Variants in ACACA observed in about 807,000 individuals in gnomAD.
ACACA encodes acetyl-CoA carboxylase 1.
Under a neutral mutation model 296.1 loss-of-function variants are expected in ACACA, and 103 were observed. That is an observed-to-expected ratio of 0.35 (90% CI 0.30 to 0.41). ACACA has a LOEUF of 0.41. ACACA is among the 10% of genes least tolerant of loss of function. ACACA has a pLI of 1.00. For synonymous variants in ACACA, 953 were observed against 1,038.6 expected (o/e 0.92, Z 1.58); for missense variants, 1,554 against 2,989.7 (o/e 0.52, Z 11.20).
intron 52 of ACACA, among the ~76,000 whole-genome samples, chr17:37,103,475 A>T (rs9330249): frequency 0.35 from 52,630 of 152,016 alleles, 13,068 homozygotes; most frequent in African/African-American, 0.69. Flanking sequence ...GGCCTCAGGG[A>T]TTTTAGGAAA....
At chr17:37,252,182 T>C in intron 15 of ACACA, 74 bp from the exon 16 acceptor site, 1 of 1,223,966 alleles carries the variant, frequency 8.2e-7, no homozygotes, top group African/African-American at 1.5e-5. Flanking sequence ...GAAATCAGGC[T>C]CAAATTTGTT....
intron 18 of ACACA, among the ~76,000 whole-genome samples, chr17:37,247,581 G>C (rs1404642162): frequency 6.6e-6 from 1 of 151,966 alleles, no homozygotes; most frequent in Admixed American, 6.6e-5. Context: ...TGGCCACACC[G>C]GTCTTGAACT....
intron 1 of ACACA, among the ~76,000 whole-genome samples, chr17:37,373,574 A>G (rs2049886306): frequency 6.6e-6 from 1 of 152,096 alleles, no homozygotes; most frequent in Non-Finnish European, 1.5e-5. Flanking sequence ...TTTAAGTTAC[A>G]AAAGAAAAGG....
At chr17:37,401,459 C>T (rs2051287784) in intron 1 of ACACA, among the ~76,000 whole-genome samples, 2 of 151,966 alleles carry the variant, frequency 1.3e-5, no homozygotes, top group African/African-American at 4.8e-5. Context: ...TCCCATGCTA[C>T]TTGCATGTCT....
At chr17:37,311,108 G>A (rs879753853) in intron 3 of ACACA, among the ~76,000 whole-genome samples, 2 of 152,142 alleles carry the variant, frequency 1.3e-5, no homozygotes, top group African/African-American at 4.8e-5. Flanking sequence ...TGGTTTTTAC[G>A]AGAGCAGTTT....
At chr17:37,355,766 G>C (rs1248525556) in intron 1 of ACACA, among the ~76,000 whole-genome samples, 10 of 152,130 alleles carry the variant, frequency 6.6e-5, no homozygotes, top group Admixed American at 6.5e-5. Context: ...GCTGAGGCAG[G>C]AGAATCGCTT....
intron 47 of ACACA, among the ~76,000 whole-genome samples, 173 bp downstream of exon 47, chr17:37,129,192 G>A (rs940347592): frequency 2.0e-5 from 3 of 152,088 alleles, no homozygotes; most frequent in Non-Finnish European, 2.9e-5. Context: ...ATTTTTTCAT[G>A]AAGGATTTCC....
Position 37,159,478 on chromosome 17 carries a change from T to G in ACACA, c.5349+2303A>C, listed in dbSNP as rs1210494062. Among the ~76,000 whole-genome samples the G allele has an allele frequency of 2.6e-5, 4 of 152,300 alleles. No homozygotes were observed. The East Asian group carries it at 7.7e-4, about 29-fold the overall frequency. On this transcript the variant is annotated intron_variant, in intron 42 of 55. Transcript: ENST00000616317. ...CTCAAGTGATCTGCCTGCCTCGGCC[T>G]CCCGAAGTGCTGGGTTACTGCAACC...
At chr17:37,218,805 A>C (rs1255109731) in intron 29 of ACACA, among the ~76,000 whole-genome samples, 2 of 152,172 alleles carry the variant, frequency 1.3e-5, no homozygotes. Context: ...AATAACATAC[A>C]AAAAAAGTAC....
At chr17:37,390,261 A>AATAT (rs1491416221) in intron 1 of ACACA, among the ~76,000 whole-genome samples, 2,551 of 57,894 alleles carry the variant, frequency 0.044, 200 homozygotes, top group East Asian at 0.19. Context: ...TATTATATAT[A>AATAT]ATTATATATA....
chr17:37,370,757 C>T (rs1293669998), intron 1 of ACACA, among the ~76,000 whole-genome samples: 1 of 151,768 alleles, frequency 6.6e-6, no homozygotes, highest in Non-Finnish European at 1.5e-5. Flanking sequence ...CTGAGGTGGG[C>T]GGATCACCCT....
In ACACA at chr17:37,162,115, T is replaced by G. The variant is rs189187939; in HGVS notation, c.5080-65A>C. ...ACAGGCAGAATTTTTTTCAGGTTCA[T>G]TGAAGGTATCAGAGTATACCTAGGC... On this transcript the variant is annotated intron_variant, in intron 41 of 55. Coordinates refer to ENST00000616317, the MANE Select transcript of ACACA (RefSeq NM_198834.3). 3.6e-4 allele frequency: 561 copies of G among 1,569,352 alleles called. 1 individual carries two copies. The highest frequency in any genetic ancestry group is 5.1e-4 in the Middle Eastern group (3 of 5,848).
At chr17:37,371,872 C>T (rs760049439) in intron 1 of ACACA, among the ~76,000 whole-genome samples, 6 of 151,846 alleles carry the variant, frequency 4.0e-5, no homozygotes, top group Non-Finnish European at 8.8e-5. Flanking sequence ...CGTACTCCAG[C>T]CTGGGGGACA....
chr17:37,259,540 G>T lies in ACACA; in HGVS notation c.1330-10C>A, dbSNP rs1359182226. On this transcript the variant is annotated splice_polypyrimidine_tract_variant and intron_variant, in intron 11 of 55. Coordinates refer to ENST00000616317, the MANE Select transcript of ACACA (RefSeq NM_198834.3). ...CAAGTTTCACCGCACACTCAAAGAA[G>T]AGAGATAAGCAAACATAAGTATCTC... 1 of 1,614,030 alleles carries T rather than the reference G, an allele frequency of 6.2e-7. No homozygotes were observed. The highest frequency in any genetic ancestry group is 1.3e-5 in the African/African-American group (1 of 74,918).
At chr17:37,198,699 C>T (rs991363289) in intron 35 of ACACA, among the ~76,000 whole-genome samples, 6 of 152,292 alleles carry the variant, frequency 3.9e-5, no homozygotes, top group African/African-American at 1.4e-4. Context: ...GTCATGCAGT[C>T]CACAACATTT....
rs769524140 is a variant in ACACA, at chr17:37,226,452, C to A, written c.3247G>T (p.Asp1083Tyr). 1 of 1,610,298 alleles carries A rather than the reference C, an allele frequency of 6.2e-7. No individual in the cohort carries two copies. The highest frequency in any genetic ancestry group is 1.7e-5 in the Admixed American group (1 of 60,000). Reference protein sequence around the residue: ...KKNLLVTMLIDQLCGRDPTLT... With the variant: ...KKNLLVTMLIYQLCGRDPTLT... ...GTAGGGTCCCGGCCACACAACTGAT[C>A]CTAATTGTTAATGTAAAAAAGAACA... Residue 1083 changes from aspartate (D) to tyrosine (Y), a missense_variant and splice_region_variant, in exon 26 of 56, where the codon GAT (aspartate) becomes TAT (tyrosine). Asp to Tyr is a radical substitution (Grantham distance 160). Coordinates refer to ENST00000616317, the MANE Select transcript of ACACA (RefSeq NM_198834.3).
intron 3 of ACACA, among the ~76,000 whole-genome samples, chr17:37,286,554 A>G (rs978650673): frequency 6.6e-6 from 1 of 152,158 alleles, no homozygotes; most frequent in Non-Finnish European, 1.5e-5. Flanking sequence ...AGGTAAGAAA[A>G]GGGCCTTCCT....
chr17:37,360,884 T>G (rs937692473), intron 1 of ACACA, among the ~76,000 whole-genome samples: 2 of 152,088 alleles, frequency 1.3e-5, no homozygotes, highest in African/African-American at 4.8e-5. Context: ...AAAAATGGCC[T>G]GGGAAGAGGG....
At chr17:37,132,623 A>C (rs1039157160) in intron 45 of ACACA, among the ~76,000 whole-genome samples, 2 of 152,216 alleles carry the variant, frequency 1.3e-5, no homozygotes, top group Non-Finnish European at 2.9e-5. Flanking sequence ...TCAGGAGCCA[A>C]GTACTCCTTG....
Sources: gnomAD v4.1 joint callset for allele counts (sites outside exome capture counted in the v4.1 genomes callset) on GRCh38, gnomAD v4.1.1 for gene constraint, MANE v1.5 for transcripts, NCBI Gene and HGNC (gene_info 2026-07-23, HGNC 2026-07-21) for gene names.